WFIKKN2: variants seen among roughly 807,000 people sequenced by gnomAD.
WFIKKN2 encodes the protein WAP, follistatin/kazal, immunoglobulin, kunitz and netrin domain containing 2, also known as WAP, Kazal, immunoglobulin, Kunitz and NTR domain-containing protein 2.
Under a neutral mutation model 39.2 loss-of-function variants are expected in WFIKKN2, and 25 were observed. That is an observed-to-expected ratio of 0.64 (90% CI 0.47 to 0.89). The LOEUF (loss-of-function observed/expected upper bound fraction) is 0.89. Among genes scored for constraint, WFIKKN2 ranks in the 40% least tolerant of loss-of-function variants. WFIKKN2 has a pLI of 0.00. For synonymous variants in WFIKKN2, 345 were observed against 329.7 expected (o/e 1.05, Z -0.50); for missense variants, 770 against 811.7 (o/e 0.95, Z 0.62).
In WFIKKN2 at chr17:50,839,623, A is replaced by G; in HGVS notation, c.335A>G (p.Asp112Gly). ...PVGMPKEATC[D>G]HFMCLQQGSE... ...GGCATGCCCAAGGAGGCCACATGTG[A>G]CCACTTCATGTGTCTGCAGCAGGGC... Residue 112 changes from aspartate (D) to glycine (G), a missense_variant, in exon 2 of 2, where the codon GAC (aspartate) becomes GGC (glycine). Asp to Gly is a moderately conservative substitution (Grantham distance 94). Transcript: ENST00000311378. 1 of 1,614,198 alleles carries G rather than the reference A, an allele frequency of 6.2e-7. No individual in the cohort carries two copies. The highest frequency in any genetic ancestry group is 8.5e-7 in the Non-Finnish European group (1 of 1,180,022).
chr17:50,840,836 C>T lies in WFIKKN2; in HGVS notation c.1548C>T (p.Pro516=). 6.2e-7 allele frequency: 1 copy of T among 1,613,350 alleles called. No individual in the cohort carries two copies. The highest frequency in any genetic ancestry group is 8.5e-7 in the Non-Finnish European group (1 of 1,179,440). Residue 516 remains proline (P), a synonymous_variant, in exon 2 of 2, where the codon CCC becomes CCT. Coordinates refer to ENST00000311378, the MANE Select transcript of WFIKKN2 (RefSeq NM_175575.6). ...TGCTTCACGTGGACTGGGCATGCCC[C>T]TGCCCCAACGTGACCGTGAGCGAGA... The part of the protein sequence containing the change: ...VTLLHVDWAC[P]CPNVTVSEMP...
chr17:50,835,246 A>G (rs1412114002), upstream of WFIKKN2, among the ~76,000 whole-genome samples: 1 of 152,154 alleles, frequency 6.6e-6, no homozygotes, highest in African/African-American at 2.4e-5. Context: ...TTGCTCTCAA[A>G]TGTACTATCA....
chr17:50,840,039 G>A lies in WFIKKN2; in HGVS notation c.751G>A (p.Glu251Lys). 6.2e-7 allele frequency: 1 copy of A among 1,614,254 alleles called. No individual in the cohort carries two copies. The highest frequency in any genetic ancestry group is 1.6e-4 in the Middle Eastern group (1 of 6,062). The part of the protein sequence containing the change: ...ITWEKQLEDR[E>K]NVVMRPNHVR... ...CTGGGAGAAGCAGTTGGAGGATCGG[G>A]AGAATGTGGTCATGCGGCCCAACCA... is the stretch of plus-strand genomic sequence containing the variant. The change falls in exon 2 of 2, where the codon GAG becomes AAG. Residue 251 changes from glutamate to lysine, a missense_variant. By Grantham distance (56) the Glu-to-Lys change is moderately conservative. Transcript: ENST00000311378.
chr17:50,838,470 T>TTGCC (rs1166018147), intron 1 of WFIKKN2, among the ~76,000 whole-genome samples: 1 of 152,202 alleles, frequency 6.6e-6, no homozygotes, highest in African/African-American at 2.4e-5. Flanking sequence ...ATTAGGAGCG[T>TTGCC]TGCCTGCCTG....
In WFIKKN2 at chr17:50,842,089, T is replaced by C. The variant is rs1972053074; in HGVS notation, c.*1070T>C. The stretch of plus-strand genomic sequence containing the variant: ...AACCCACGGGAACCTGGAAGGAGGC[T>C]CTTTGTGAGACCTGGGCAAAGGATG... On this transcript the variant is annotated 3_prime_UTR_variant, in exon 2 of 2. Transcript: ENST00000311378. 6.6e-6 allele frequency: 1 copy of C among 151,972 alleles called. No individual in the cohort carries two copies. Among genetic ancestry groups the C allele is most frequent in the Non-Finnish European group, 1.5e-5 (1 of 68,034 alleles). The allele number at this position is 151,972 out of a possible 1,614,324, so 9.4% of individuals were successfully genotyped here.
rs749336446 is a variant in WFIKKN2, at chr17:50,840,242, C to T, written c.954C>T (p.Pro318=). The T allele has an allele frequency of 1.1e-5, 18 of 1,613,902 alleles. No homozygotes were observed. The highest frequency in any genetic ancestry group is 1.5e-5 in the Non-Finnish European group (18 of 1,180,000). Reference sequence around the variant, plus strand: ...CTGCAGCCACCTCAGAGAGCAGCCCCAATGGCACGGCTTTCCCGGCGGCCG... The same window carrying T: ...CTGCAGCCACCTCAGAGAGCAGCCCTAATGGCACGGCTTTCCCGGCGGCCG... ...HQAAATSESS[P]NGTAFPAAEC... Residue 318 remains proline (P), a synonymous_variant, in exon 2 of 2, where the codon CCC becomes CCT. Coordinates refer to ENST00000311378, the MANE Select transcript of WFIKKN2 (RefSeq NM_175575.6).
In WFIKKN2 at chr17:50,837,464, G is replaced by T. The variant is rs143939963; in HGVS notation, c.210+1317G>T. On this transcript the variant is annotated intron_variant, in intron 1 of 1. Coordinates refer to ENST00000311378, the MANE Select transcript of WFIKKN2 (RefSeq NM_175575.6). ...TTCTAGCTCCCGAGTCATTCCCGAG[G>T]GCCATTCCTGCCCACCCCCTCTGGG... 1.7e-3 allele frequency among the ~76,000 whole-genome samples: 257 copies of T among 152,302 alleles called. 2 individuals are homozygous for T. In the East Asian group the frequency reaches 0.043, roughly 25 times the overall value.
rs1971956713 is a variant in WFIKKN2 at position 50,836,263 on chromosome 17, G to A, written c.210+116G>A. The A allele has an allele frequency of 2.4e-6, 3 of 1,254,428 alleles. No individual in the cohort carries two copies. The African/African-American group carries it at 4.5e-5, about 19-fold the overall frequency. The allele number at this position is 1,254,428 out of a possible 1,614,324, so 77.7% of individuals were successfully genotyped here. A position where few individuals can be genotyped will look rare whatever the true frequency, so the allele number is the denominator to read the frequency against. On this transcript the variant is annotated intron_variant, in intron 1 of 1. Coordinates refer to ENST00000311378, the MANE Select transcript of WFIKKN2 (RefSeq NM_175575.6). ...AGGAGGACAACGTGAGTGGGGTCCA[G>A]AAGCCACAGTGTGAGGCGGACCAGG...
At chr17:50,837,787 G>A (rs909014949) in intron 1 of WFIKKN2, among the ~76,000 whole-genome samples, 4 of 152,232 alleles carry the variant, frequency 2.6e-5, no homozygotes, top group African/African-American at 4.8e-5. Flanking sequence ...AAGAAGTCAG[G>A]AGGAGTGGTG....
chr17:50,840,996 A>C lies in WFIKKN2; in HGVS notation c.1708A>C (p.Lys570Gln), dbSNP rs1972038182. The C allele has an allele frequency of 6.5e-7, 1 of 1,540,840 alleles. No individual in the cohort carries two copies. Among genetic ancestry groups the C allele is most frequent in the South Asian group, 1.2e-5 (1 of 80,358 alleles). The change falls in exon 2 of 2, where the codon AAG becomes CAG. Residue 570 changes from lysine (K) to glutamine (Q), a missense_variant. Transcript: ENST00000311378. ...VMHKKTCDVL[K>Q]EFLGLH is the part of the protein sequence containing the mutation. ...GCACAAGAAGACCTGTGACGTCCTCAAGGAGTTTCTTGGCTTGCACTGAAG... is the reference window on the plus strand; with the variant it reads ...GCACAAGAAGACCTGTGACGTCCTCCAGGAGTTTCTTGGCTTGCACTGAAG...
In WFIKKN2 at chr17:50,840,597, C is replaced by T. The variant is rs767304923; in HGVS notation, c.1309C>T (p.Pro437Ser). The T allele has an allele frequency of 1.2e-6, 2 of 1,614,050 alleles. No homozygotes were observed. The highest frequency in any genetic ancestry group is 1.3e-5 in the African/African-American group (1 of 75,076). ...CCGTGAGGCCTGTGAGGAGTCGTGC[C>T]CCTTCCCCAGGGGGAACCAGCGCTG... ...ESREACEESC[P>S]FPRGNQRCRA... is the part of the protein sequence containing the mutation. The change falls in exon 2 of 2, where the codon CCC (proline) becomes TCC (serine). Residue 437 changes from proline to serine, a missense_variant. By Grantham distance (74) the Pro-to-Ser change is moderately conservative (BLOSUM62 -1). Coordinates refer to ENST00000311378, the MANE Select transcript of WFIKKN2 (RefSeq NM_175575.6).
chr17:50,838,206 C>G (rs767050295), intron 1 of WFIKKN2, among the ~76,000 whole-genome samples: 7 of 152,174 alleles, frequency 4.6e-5, no homozygotes, highest in Non-Finnish European at 1.0e-4. Context: ...GCTGCCCATC[C>G]CTGTCCCAAA....
intron 1 of WFIKKN2, 75 bp downstream of exon 1, chr17:50,836,222 A>T: frequency 6.5e-7 from 1 of 1,527,506 alleles, no homozygotes; most frequent in South Asian, 1.2e-5. Context: ...TCGGGGAGGG[A>T]CTGTGTGGGA....
chr17:50,839,323 C>G (rs1196891441), intron 1 of WFIKKN2, among the ~76,000 whole-genome samples, 176 bp from the exon 2 acceptor site: 1 of 152,224 alleles, frequency 6.6e-6, no homozygotes, highest in Non-Finnish European at 1.5e-5. Context: ...AGTTCTTACA[C>G]AGGGGCCTAG....
In WFIKKN2 at chr17:50,840,625, G is replaced by C. The variant is rs371325202; in HGVS notation, c.1337G>C (p.Arg446Pro). ...CPFPRGNQRC[R>P]ACKPRQKLVT... is the part of the protein sequence containing the mutation. ...TTCCCCAGGGGGAACCAGCGCTGTC[G>C]GGCCTGCAAGCCTCGGCAGAAGCTC... Residue 446 changes from arginine to proline, a missense_variant, in exon 2 of 2, where the codon CGG becomes CCG. Transcript: ENST00000311378. The C allele has an allele frequency of 1.2e-6, 2 of 1,613,878 alleles. No homozygotes were observed. The highest frequency in any genetic ancestry group is 1.1e-5 in the South Asian group (1 of 91,088).
In WFIKKN2 at chr17:50,841,109, C is replaced by T; in HGVS notation, c.*90C>T. 2 of 1,336,048 alleles carry T rather than the reference C, an allele frequency of 1.5e-6. No individual in the cohort carries two copies. Among genetic ancestry groups the T allele is most frequent in the South Asian group, 1.6e-5 (1 of 62,496 alleles). 82.8% of individuals were successfully genotyped at this position (1,336,048 alleles called of 1,614,324 possible). On this transcript the variant is annotated 3_prime_UTR_variant, in exon 2 of 2. Coordinates refer to ENST00000311378, the MANE Select transcript of WFIKKN2 (RefSeq NM_175575.6). ...GCAAACTGGGCGAGGTCAGATTAGA[C>T]AGGCTTGGGACAGCAGGGAAACATC...
chr17:50,839,336 T>C (rs1971999096), intron 1 of WFIKKN2, among the ~76,000 whole-genome samples, 163 bp from the exon 2 acceptor site: 1 of 152,216 alleles, frequency 6.6e-6, no homozygotes, highest in South Asian at 2.1e-4. Context: ...GGGCCTAGCA[T>C]GTAGGAGATG....
Position 50,839,490 on chromosome 17 carries a change from C to A in WFIKKN2, c.211-9C>A. 6.2e-7 allele frequency: 1 copy of A among 1,606,490 alleles called. No homozygotes were observed. The highest frequency in any genetic ancestry group is 8.5e-7 in the Non-Finnish European group (1 of 1,175,154). On this transcript the variant is annotated splice_polypyrimidine_tract_variant and intron_variant, in intron 1 of 1. Coordinates refer to ENST00000311378, the MANE Select transcript of WFIKKN2 (RefSeq NM_175575.6). ...TCCCTGTTCAGGCCACTCTCTCTGG[C>A]TCTTTCAGGAGTGTGAGACCTATGA... is the stretch of plus-strand genomic sequence containing the variant.
At chr17:50,837,336 G>C (rs1971972416) in intron 1 of WFIKKN2, among the ~76,000 whole-genome samples, 1 of 152,194 alleles carries the variant, frequency 6.6e-6, no homozygotes, top group Non-Finnish European at 1.5e-5. Context: ...TGGATCTCTG[G>C]TGTCCCTGGG....
Sources: gnomAD v4.1 joint callset for allele counts (sites outside exome capture counted in the v4.1 genomes callset) on GRCh38, gnomAD v4.1.1 for gene constraint, MANE v1.5 for transcripts, NCBI Gene and HGNC (gene_info 2026-07-23, HGNC 2026-07-21) for gene names.